The following HHIPL1 variants were observed in gnomAD, a reference collection of about 807,000 sequenced individuals.
The protein encoded by HHIPL1 is HHIP-like protein 1.
A neutral mutation model predicts 61.8 loss-of-function variants in HHIPL1; 43 were observed. The ratio of observed to expected loss-of-function variants is 0.70; its 90% CI spans 0.55 to 0.90. The LOEUF (loss-of-function observed/expected upper bound fraction) is 0.90, where lower values mean the gene tolerates loss of function less well. HHIPL1 is among the 40% of genes least tolerant of loss of function. The pLI, the probability that HHIPL1 is intolerant of heterozygous loss-of-function variation, is 0.00. For missense variants in HHIPL1, 1,056 were observed against 1,157.7 expected (o/e 0.91, Z 1.28); for synonymous variants, 482 against 515.8 (o/e 0.93, Z 0.89).
intron 2 of HHIPL1, among the ~76,000 whole-genome samples, chr14:99,654,325 C>T (rs1036292347): frequency 4.6e-5 from 7 of 152,162 alleles, no homozygotes; most frequent in African/African-American, 1.7e-4. Context: ...TTACTGGCGC[C>T]CTGGAGCTGG....
In HHIPL1 at chr14:99,652,701, G is replaced by A. The variant is rs764227849; in HGVS notation, c.733G>A (p.Glu245Lys). ...CCGGGTGGTGCTCACCTCGCCCTGG[G>A]AGGGTGACGAGCGTGGCTTCCTGGG... The part of the protein sequence containing the change: ...ISRVVLTSPW[E>K]GDERGFLGIA... The change falls in exon 2 of 9, where the codon GAG becomes AAG. Residue 245 changes from glutamate (E) to lysine (K), a missense_variant. Glu to Lys is a moderately conservative substitution (Grantham distance 56, BLOSUM62 1). Transcript: ENST00000330710. 103 of 1,613,926 alleles carry A rather than the reference G, an allele frequency of 6.4e-5. No homozygotes were observed. Among genetic ancestry groups the A allele is most frequent in the Non-Finnish European group, 8.1e-5 (96 of 1,180,038 alleles).
chr14:99,649,721 A>G (rs1433334151), intron 1 of HHIPL1, among the ~76,000 whole-genome samples: 1 of 152,212 alleles, frequency 6.6e-6, no homozygotes, highest in Non-Finnish European at 1.5e-5. Flanking sequence ...GTTAGAGCCC[A>G]GGAGGTCAAG....
rs1378988828 is a variant in HHIPL1 at position 99,675,280 on chromosome 14, T to C, written c.2003T>C (p.Phe668Ser). Reference protein sequence around the residue: ...RGRLNSASRAFRDGEVRLVRP... With the variant: ...RGRLNSASRASRDGEVRLVRP... ...CGGCTGAACTCGGCGAGCCGGGCGTTCCGGGATGGCGAGGTGCGCCTGGTG... is the reference window on the plus strand; with the variant it reads ...CGGCTGAACTCGGCGAGCCGGGCGTCCCGGGATGGCGAGGTGCGCCTGGTG... Residue 668 changes from phenylalanine (F) to serine (S), a missense_variant, in exon 9 of 9, where the codon TTC becomes TCC. Coordinates refer to ENST00000330710, the MANE Select transcript of HHIPL1 (RefSeq NM_001127258.3). The surrounding 1 kb of genome is among the most constrained non-coding windows in gnomAD (Gnocchi z 5.4). The C allele has an allele frequency of 2.5e-5, 31 of 1,263,164 alleles. No homozygotes were observed. The highest frequency in any genetic ancestry group is 2.7e-5 in the Non-Finnish European group (27 of 1,005,282). 78.2% of individuals were successfully genotyped at this position (1,263,164 alleles called of 1,614,324 possible).
rs1566812579 is a variant in HHIPL1 at position 99,660,294 on chromosome 14, A to G, written c.1390A>G (p.Ile464Val). The G allele has an allele frequency of 1.2e-6, 2 of 1,613,810 alleles. No individual in the cohort carries two copies. Among genetic ancestry groups the G allele is most frequent in the Non-Finnish European group, 1.7e-6 (2 of 1,179,934 alleles). ...CCACCCCGCAGATGACTTGCTGCCG[A>G]TTTTCGCCTACCCGCACACGGTTGG... ...ANTSLNDLLP[I>V]FAYPHTVGKS... Residue 464 changes from isoleucine (I) to valine (V), a missense_variant, in exon 5 of 9, where the codon ATT becomes GTT. Coordinates refer to ENST00000330710, the MANE Select transcript of HHIPL1 (RefSeq NM_001127258.3). The surrounding 1 kb of genome is among the most constrained non-coding windows in gnomAD (Gnocchi z 4.9).
upstream of HHIPL1, among the ~76,000 whole-genome samples, chr14:99,641,612 C>T (rs1232303587): frequency 6.6e-6 from 1 of 151,700 alleles, no homozygotes; most frequent in Non-Finnish European, 1.5e-5. Flanking sequence ...GGGGGTTTCA[C>T]AATGTTGGCC....
chr14:99,654,188 CAAAAAAA>C (rs754501639), intron 2 of HHIPL1, among the ~76,000 whole-genome samples: 171 of 89,998 alleles, frequency 1.9e-3, no homozygotes, highest in Admixed American at 4.6e-3. Flanking sequence ...GACTCTGTCT[CAAAAAAA>C]AAAAAAAAAA....
chr14:99,638,314 C>G, the HHIPL1 span, among the ~76,000 whole-genome samples: 6 of 152,226 alleles, frequency 3.9e-5, no homozygotes, highest in Admixed American at 6.5e-5. Context: ...AACACCTTGG[C>G]GGTTCTTCTC....
At position 99,675,231 on chromosome 14, in the gene HHIPL1, A is replaced by C. The variant is rs1182478284; in HGVS notation, c.1954A>C (p.Arg652=). 2 of 1,207,620 alleles carry C rather than the reference A, an allele frequency of 1.7e-6. No individual in the cohort carries two copies. The highest frequency in any genetic ancestry group is 2.1e-6 in the Non-Finnish European group (2 of 972,742). 74.8% of individuals were successfully genotyped at this position (1,207,620 alleles called of 1,614,324 possible). Residue 652 remains arginine (R), a synonymous_variant, in exon 9 of 9, where the codon AGG becomes CGG. Transcript: ENST00000330710. The surrounding 1 kb of genome is among the most constrained non-coding windows in gnomAD (Gnocchi z 5.4). ...GCCCACCCAGCAGCCAGGGAGCCGG[A>C]GGGGCGGCGGGCGGCGGCGGGGGCG... ...ARPTQQPGSR[R]GGGRRRGRLN... is the part of the protein sequence containing the mutation.
chr14:99,622,019 A>T, the HHIPL1 span, among the ~76,000 whole-genome samples: 1 of 151,706 alleles, frequency 6.6e-6, no homozygotes, highest in Non-Finnish European at 1.5e-5. Flanking sequence ...CTGGCCAAAG[A>T]TTCACTTTTT....
chr14:99,668,971 G>T lies in HHIPL1; in HGVS notation c.1730+668G>T. Reference sequence around the variant, plus strand: ...CATGGGCCTGGGGCCCAGGGCCAGGGTGGGGCCCAGGCCACTGGCTCCAGA... The same window carrying T: ...CATGGGCCTGGGGCCCAGGGCCAGGTTGGGGCCCAGGCCACTGGCTCCAGA... On this transcript the variant is annotated intron_variant, in intron 7 of 8. Transcript: ENST00000330710. This position sits in a 1 kb window ranked among gnomAD's most constrained non-coding sequence, Gnocchi z 4.7. 1 of 1,580,030 alleles carries T rather than the reference G, an allele frequency of 6.3e-7. No homozygotes were observed. Among genetic ancestry groups the T allele is most frequent in the East Asian group, 2.3e-5 (1 of 43,324 alleles).
intron 5 of HHIPL1, among the ~76,000 whole-genome samples, chr14:99,661,757 G>T (rs1354129600): frequency 6.6e-6 from 1 of 152,218 alleles, no homozygotes; most frequent in African/African-American, 2.4e-5. Context: ...AAGGTACGGT[G>T]CCCAGCCTGG....
At chr14:99,604,638 G>C in the HHIPL1 span, 1 of 152,152 alleles carries the variant, frequency 6.6e-6, no homozygotes, top group African/African-American at 2.4e-5. Context: ...GGAGGGGGAC[G>C]GTGGGAAAGG....
chr14:99,652,541 C>T lies in HHIPL1; in HGVS notation c.573C>T (p.Asn191=), dbSNP rs746149102. The part of the protein sequence containing the change: ...CLQLCLEEVA[N]GLRNPVAMVH... Reference sequence around the variant, plus strand: ...AGCTGTGCCTGGAGGAGGTGGCCAACGGGCTGCGCAACCCCGTGGCCATGG... The same window carrying T: ...AGCTGTGCCTGGAGGAGGTGGCCAATGGGCTGCGCAACCCCGTGGCCATGG... The change falls in exon 2 of 9, where the codon AAC becomes AAT. Residue 191 remains asparagine, a synonymous_variant. Coordinates refer to ENST00000330710, the MANE Select transcript of HHIPL1 (RefSeq NM_001127258.3). 2.9e-5 allele frequency: 47 copies of T among 1,612,932 alleles called. 1 individual carries two copies. Among genetic ancestry groups the T allele is most frequent in the Middle Eastern group, 1.6e-4 (1 of 6,084 alleles).
rs1048836862 is a variant in HHIPL1, at chr14:99,675,170, G to T, written c.1893G>T (p.Thr631=). ...GGGCGCCCCGCCGAGGGCGCCCCACGGCCGCTCCCCCCGCGCCAACCCCGC... is the reference window on the plus strand; with the variant it reads ...GGGCGCCCCGCCGAGGGCGCCCCACTGCCGCTCCCCCCGCGCCAACCCCGC... The part of the protein sequence containing the change: ...PTRAPRRGRP[T]AAPPAPTPRP... The change falls in exon 9 of 9, where the codon ACG becomes ACT. Residue 631 remains threonine, a synonymous_variant. Coordinates refer to ENST00000330710, the MANE Select transcript of HHIPL1 (RefSeq NM_001127258.3). This position sits in a 1 kb window ranked among gnomAD's most constrained non-coding sequence, Gnocchi z 5.4. The T allele has an allele frequency of 9.9e-6, 11 of 1,114,332 alleles. No individual in the cohort carries two copies. The Admixed American group carries it at 5.2e-4, about 53-fold the overall frequency. The allele number at this position is 1,114,332 out of a possible 1,614,324, so 69.0% of individuals were successfully genotyped here. A position where few individuals can be genotyped will look rare whatever the true frequency, so the allele number is the denominator to read the frequency against.
chr14:99,614,560 T>G, the HHIPL1 span, among the ~76,000 whole-genome samples: 5,802 of 152,144 alleles, frequency 0.038, 379 homozygotes, highest in African/African-American at 0.13. Flanking sequence ...CCAGACCAAG[T>G]CCATCAGAAT....
chr14:99,625,255 C>T, the HHIPL1 span: 2 of 152,224 alleles, frequency 1.3e-5, no homozygotes, highest in Non-Finnish European at 2.9e-5. Flanking sequence ...GAGCAACCTC[C>T]TCCCATCTGC....
In HHIPL1 at chr14:99,668,179, A is replaced by G; in HGVS notation, c.1649-43A>G. On this transcript the variant is annotated intron_variant, in intron 6 of 8. Coordinates refer to ENST00000330710, the MANE Select transcript of HHIPL1 (RefSeq NM_001127258.3). This position sits in a 1 kb window ranked among gnomAD's most constrained non-coding sequence, Gnocchi z 4.7. ...GTGAGGCGGGGCTGGCTGGGACGGT[A>G]TTCCAGGTGGGGGTCTCACTAGTCA... The G allele has an allele frequency of 8.2e-7, 1 of 1,220,072 alleles. No individual in the cohort carries two copies. Among genetic ancestry groups the G allele is most frequent in the East Asian group, 2.3e-5 (1 of 43,026 alleles). 75.6% of individuals were successfully genotyped at this position (1,220,072 alleles called of 1,614,324 possible).
At position 99,674,886 on chromosome 14, in the gene HHIPL1, C is replaced by T. The variant is rs576619752; in HGVS notation, c.1814-205C>T. ...CCCCTGGCCCCTGAGTCCAGGCCGG[C>T]ATCTTGCTGGGTCCGGGTGACCTGG... On this transcript the variant is annotated intron_variant, in intron 8 of 8. Coordinates refer to ENST00000330710, the MANE Select transcript of HHIPL1 (RefSeq NM_001127258.3). Among the ~76,000 whole-genome samples the T allele has an allele frequency of 2.0e-5, 3 of 152,290 alleles. No individual in the cohort carries two copies. In the South Asian group the frequency reaches 6.2e-4, roughly 32 times the overall value.
the HHIPL1 span, among the ~76,000 whole-genome samples, chr14:99,622,993 T>C: frequency 6.6e-6 from 1 of 152,150 alleles, no homozygotes; most frequent in African/African-American, 2.4e-5. Flanking sequence ...ACAAGACCCA[T>C]GTGCTATGGA....
Sources: gnomAD v4.1 joint callset for allele counts (sites outside exome capture counted in the v4.1 genomes callset) on GRCh38, gnomAD v4.1.1 for gene constraint, Gnocchi (gnomAD v3.1) non-coding constraint, MANE v1.5 for transcripts, NCBI Gene and HGNC (gene_info 2026-07-23, HGNC 2026-07-21) for gene names.